The following FBXL17 variants were observed in gnomAD, a reference collection of about 807,000 sequenced individuals.
The protein encoded by FBXL17 is F-box and leucine rich repeat protein 17.
In FBXL17, 22 loss-of-function variants were observed where a neutral mutation model predicts 66.2. The ratio of observed to expected loss-of-function variants is 0.33; its 90% confidence interval spans 0.24 to 0.47. FBXL17 has a LOEUF of 0.47. Among genes scored for constraint, FBXL17 ranks in the 20% least tolerant of loss-of-function variants. The pLI is 1.00. For synonymous variants in FBXL17, 474 were observed against 400.5 expected (o/e 1.18, Z -2.19); for missense variants, 878 against 948.2 (o/e 0.93, Z 0.97).
chr5:108,129,430 C>A (rs1750842072), intron 6 of FBXL17, among the ~76,000 whole-genome samples: 1 of 152,000 alleles, frequency 6.6e-6, no homozygotes, highest in South Asian at 2.1e-4. Flanking sequence ...AAATAGACAA[C>A]CTACCACTAT....
In FBXL17 at chr5:108,206,636, T is replaced by A. The variant is rs187236076; in HGVS notation, c.1614+17485A>T. Among the ~76,000 whole-genome samples, 42 of 152,284 alleles carry A rather than the reference T, an allele frequency of 2.8e-4. 1 individual carries two copies. In the Middle Eastern group the frequency reaches 0.01, roughly 37 times the overall value. On this transcript the variant is annotated intron_variant, in intron 5 of 8. Transcript: ENST00000542267. ...ACAGATGAAACAGAACTCTTTTTTT[T>A]ATCTGGCTTGTTATACTCAGCAAAA...
At chr5:108,122,327 C>T (rs148038678) in intron 6 of FBXL17, among the ~76,000 whole-genome samples, 2 of 152,170 alleles carry the variant, frequency 1.3e-5, no homozygotes, top group Non-Finnish European at 2.9e-5. Flanking sequence ...ATAACAAAGC[C>T]AGGATTCAAA....
chr5:107,885,900 A>G (rs538112146), intron 7 of FBXL17, among the ~76,000 whole-genome samples: 15 of 152,112 alleles, frequency 9.9e-5, no homozygotes, highest in Non-Finnish European at 1.9e-4. Flanking sequence ...CTCTTTTTAT[A>G]TAGCTTTGAC....
chr5:108,337,732 C>CAGAGACTTATTATCAGTTACT (rs1184015085), intron 4 of FBXL17, among the ~76,000 whole-genome samples: 4 of 146,998 alleles, frequency 2.7e-5, no homozygotes, highest in Admixed American at 2.7e-4. Context: ...AGTAATAAGA[C>CAGAGACTTATTATCAGTTACT]AGAGACTAGT....
intron 7 of FBXL17, among the ~76,000 whole-genome samples, chr5:107,971,189 A>C (rs1487583623): frequency 6.6e-6 from 1 of 152,186 alleles, no homozygotes; most frequent in African/African-American, 2.4e-5. Flanking sequence ...ACCAGGCAGA[A>C]CTGGGCTGGG....
At chr5:107,987,396 G>T (rs965171565) in intron 7 of FBXL17, among the ~76,000 whole-genome samples, 1 of 151,788 alleles carries the variant, frequency 6.6e-6, no homozygotes, top group Non-Finnish European at 1.5e-5. Flanking sequence ...TGCTAAAGCC[G>T]ATCTTGAAAA....
intron 7 of FBXL17, among the ~76,000 whole-genome samples, chr5:107,932,127 TAGA>T (rs1295920978): frequency 2.6e-5 from 4 of 152,206 alleles, no homozygotes; most frequent in East Asian, 1.9e-4. Flanking sequence ...CTCTCCTTCT[TAGA>T]AGAAGGATTT....
intron 8 of FBXL17, chr5:107,879,630 G>C (rs1287688599): frequency 1.0e-6 from 1 of 985,326 alleles, no homozygotes; most frequent in African/African-American, 1.7e-5. Flanking sequence ...AAGGACACAA[G>C]AGCTTTGGGC....
intron 7 of FBXL17, among the ~76,000 whole-genome samples, chr5:107,971,607 A>C (rs1323894647): frequency 6.6e-6 from 1 of 152,124 alleles, no homozygotes; most frequent in East Asian, 1.9e-4. Context: ...TGATTTTGTC[A>C]CTTTATAACA....
intron 3 of FBXL17, among the ~76,000 whole-genome samples, chr5:108,355,674 T>C (rs900688669): frequency 3.3e-5 from 5 of 152,284 alleles, no homozygotes; most frequent in Admixed American, 6.5e-5. Flanking sequence ...GTTATAAATG[T>C]ATATTGTGAA....
intron 6 of FBXL17, among the ~76,000 whole-genome samples, chr5:108,137,240 A>G (rs1751169999): frequency 6.6e-6 from 1 of 152,170 alleles, no homozygotes; most frequent in East Asian, 1.9e-4. Context: ...AGTATACATT[A>G]TTTCATTCTG....
chr5:108,183,070 C>T (rs934733817), intron 6 of FBXL17, among the ~76,000 whole-genome samples: 145 of 119,082 alleles, frequency 1.2e-3, no homozygotes, highest in Middle Eastern at 0.015. Flanking sequence ...GACAGAGTTT[C>T]GCTCTTGTCG....
At chr5:108,115,022 T>C (rs1405139848) in intron 6 of FBXL17, among the ~76,000 whole-genome samples, 1 of 152,194 alleles carries the variant, frequency 6.6e-6, no homozygotes. Flanking sequence ...TATAAGATCA[T>C]AATCCCCAAG....
At chr5:107,937,697 T>C (rs1463594179) in intron 7 of FBXL17, among the ~76,000 whole-genome samples, 1 of 152,156 alleles carries the variant, frequency 6.6e-6, no homozygotes, top group Non-Finnish European at 1.5e-5. Flanking sequence ...TCTGGGCGAA[T>C]GGTAGGTGTG....
chr5:108,180,392 G>C (rs1451677940), intron 6 of FBXL17, among the ~76,000 whole-genome samples: 1 of 151,930 alleles, frequency 6.6e-6, no homozygotes, highest in East Asian at 1.9e-4. Context: ...TGTAAACCCA[G>C]CTACTTGGGA....
chr5:108,376,195 G>T (rs1432412719), intron 1 of FBXL17, among the ~76,000 whole-genome samples: 1 of 152,092 alleles, frequency 6.6e-6, no homozygotes, highest in East Asian at 1.9e-4. Flanking sequence ...AAGTCTAAAA[G>T]TTTTTCCCCA....
At chr5:107,955,002 T>A (rs985226876) in intron 7 of FBXL17, among the ~76,000 whole-genome samples, 1 of 152,118 alleles carries the variant, frequency 6.6e-6, no homozygotes, top group African/African-American at 2.4e-5. Context: ...AAGAATGGAA[T>A]ATGTAAAGCA....
chr5:107,974,858 G>A (rs1256532892), intron 7 of FBXL17, among the ~76,000 whole-genome samples: 1 of 152,030 alleles, frequency 6.6e-6, no homozygotes, highest in African/African-American at 2.4e-5. Context: ...AAAGGAACAT[G>A]TATCAAAAGA....
At chr5:108,248,660 A>G (rs1011731481) in intron 4 of FBXL17, among the ~76,000 whole-genome samples, 1 of 152,168 alleles carries the variant, frequency 6.6e-6, no homozygotes, top group Admixed American at 6.6e-5. Flanking sequence ...TAACATAACC[A>G]AATTCCTAAA....
Sources: allele counts gnomAD v4.1 joint callset (sites outside exome capture counted in the v4.1 genomes callset), GRCh38; gene constraint gnomAD v4.1.1; transcripts MANE v1.5; gene names NCBI Gene and HGNC (gene_info 2026-07-23, HGNC 2026-07-21).